PIWIL2: variants seen among roughly 807,000 people sequenced by gnomAD.
The protein encoded by PIWIL2 is piwi like RNA-mediated gene silencing 2, also known as piwi-like protein 2.
PIWIL2 carries 81 observed loss-of-function variants against 116.5 expected under a neutral mutation model. The observed-to-expected ratio is 0.70, with a 90% CI of 0.58 to 0.84. PIWIL2 has a LOEUF of 0.84. PIWIL2 is among the 40% of genes least tolerant of loss of function. The pLI, the probability that PIWIL2 is intolerant of heterozygous loss-of-function variation, is 0.00. For synonymous variants in PIWIL2, 489 were observed against 429.5 expected, an observed-to-expected ratio of 1.14 and a Z score of -1.71; for missense variants, 1,272 against 1,212.3, an observed-to-expected ratio of 1.05 and a Z score of -0.73.
At position 22,339,273 on chromosome 8, in the gene PIWIL2, C is replaced by T. The variant is rs28875635; in HGVS notation, c.2404-13686C>T. On this transcript the variant is annotated intron_variant, in intron 20 of 22. Transcript: ENST00000356766. Reference sequence around the variant, plus strand: ...CTGTAATCCCAGCACTTTGGGAGGCCGAGGTGGGCAGATCACGAGATCAGG... The same window carrying T: ...CTGTAATCCCAGCACTTTGGGAGGCTGAGGTGGGCAGATCACGAGATCAGG... Among the ~76,000 whole-genome samples the T allele has an allele frequency of 5.3e-5, 8 of 151,846 alleles. No individual in the cohort carries two copies. The South Asian group carries it at 6.2e-4, about 12-fold the overall frequency.
rs1179382198 is a variant in PIWIL2, at chr8:22,355,498, TC to T, written c.2917del (p.Leu973CysfsTer21). The T allele has an allele frequency of 3.1e-6, 5 of 1,613,962 alleles. No homozygotes were observed. ...ATCCAGCTGTGCGAGAACCTGTTCTTCCTGTGACTGCACAGCTTGGAGATGG... is the reference window on the plus strand; with the variant it reads ...ATCCAGCTGTGCGAGAACCTGTTCTTCTGTGACTGCACAGCTTGGAGATGG... ...PAIQLCENLF[F>X]L On this transcript the variant is annotated frameshift_variant, in exon 23 of 23. Transcript: ENST00000356766. LOFTEE classifies it high-confidence loss of function.
At chr8:22,349,430 T>A (rs191208387) in intron 20 of PIWIL2, among the ~76,000 whole-genome samples, 7,178 of 146,996 alleles carry the variant, frequency 0.049, 300 homozygotes, top group Admixed American at 0.085. Flanking sequence ...TATATATATA[T>A]ATATATATAT....
intron 20 of PIWIL2, among the ~76,000 whole-genome samples, chr8:22,335,950 TAAC>T (rs1228336738): frequency 6.6e-6 from 1 of 152,050 alleles, no homozygotes; most frequent in African/African-American, 2.4e-5. Context: ...GAGAAAGACA[TAAC>T]AATTACAATA....
Position 22,340,390 on chromosome 8 carries a change from G to A in PIWIL2, c.2404-12569G>A, listed in dbSNP as rs552449762. On this transcript the variant is annotated intron_variant, in intron 20 of 22. Coordinates refer to ENST00000356766, the MANE Select transcript of PIWIL2 (RefSeq NM_018068.5). The stretch of plus-strand genomic sequence containing the variant: ...GAATTCTGCATTGAGACCATACTAC[G>A]TTAAATAAAGCTTCTCCAGATTTAT... Among the ~76,000 whole-genome samples the A allele has an allele frequency of 7.2e-5, 11 of 152,218 alleles. No individual in the cohort carries two copies. In the East Asian group the frequency reaches 1.4e-3, roughly 19 times the overall value.
chr8:22,320,505 A>G (rs796510419), intron 20 of PIWIL2, among the ~76,000 whole-genome samples: 7 of 150,970 alleles, frequency 4.6e-5, no homozygotes, highest in African/African-American at 1.5e-4. Flanking sequence ...TCGAACTCTT[A>G]ATCTCAAGTG....
intron 10 of PIWIL2, among the ~76,000 whole-genome samples, chr8:22,296,633 A>G (rs765998108): frequency 2.0e-5 from 3 of 152,224 alleles, no homozygotes; most frequent in Non-Finnish European, 2.9e-5. Flanking sequence ...TTTTAGATTT[A>G]CTGTTGAAAG....
At position 22,277,704 on chromosome 8, in the gene PIWIL2, A is replaced by G. The variant is rs184104296; in HGVS notation, c.-46-1637A>G. Among the ~76,000 whole-genome samples the G allele has an allele frequency of 1.8e-4, 27 of 152,264 alleles. No homozygotes were observed. The East Asian group carries it at 3.3e-3, about 19-fold the overall frequency. On this transcript the variant is annotated intron_variant, in intron 1 of 22. Coordinates refer to ENST00000356766, the MANE Select transcript of PIWIL2 (RefSeq NM_018068.5). ...TGAAGGAAGAATTTTGTAAAAAAGA[A>G]TTGGATAGAGATTCGGAGAAGCAGC...
In PIWIL2 at chr8:22,285,091, A is replaced by G. The variant is rs554076984; in HGVS notation, c.743+819A>G. Among the ~76,000 whole-genome samples, 51 of 152,294 alleles carry G rather than the reference A, an allele frequency of 3.3e-4. 1 individual carries two copies. Among genetic ancestry groups the G allele is most frequent in the African/African-American group, 1.2e-3 (51 of 41,556 alleles). ...CCTACTTACTGTTTTTTTGTGGTGA[A>G]AACATTTAAAATCTCTTTCAGGAAT... On this transcript the variant is annotated intron_variant, in intron 6 of 22. Transcript: ENST00000356766.
At chr8:22,312,692 G>A (rs1831362890) in intron 16 of PIWIL2, among the ~76,000 whole-genome samples, 1 of 152,126 alleles carries the variant, frequency 6.6e-6, no homozygotes, top group Admixed American at 6.5e-5. Flanking sequence ...TCAGGCTAAA[G>A]TACAGTGGCA....
At chr8:22,349,415 G>GTATATATATATATATATATATATA (rs540224852) in intron 20 of PIWIL2, among the ~76,000 whole-genome samples, 1 of 134,944 alleles carries the variant, frequency 7.4e-6, no homozygotes. Flanking sequence ...ATATATGTGT[G>GTATATATATATATATATATATATA]TGTGTATATA....
At chr8:22,330,564 G>A (rs1831834677) in intron 20 of PIWIL2, among the ~76,000 whole-genome samples, 1 of 151,754 alleles carries the variant, frequency 6.6e-6, no homozygotes, top group Non-Finnish European at 1.5e-5. Flanking sequence ...GGGCGTAGTG[G>A]CGGGCACCTG....
intron 20 of PIWIL2, among the ~76,000 whole-genome samples, chr8:22,325,368 G>C (rs1231178093): frequency 6.6e-6 from 1 of 151,890 alleles, no homozygotes; most frequent in Admixed American, 6.6e-5. Flanking sequence ...AGATGTTTCA[G>C]ATGCCCATTC....
At chr8:22,354,666 G>C (rs368548291) in intron 22 of PIWIL2, among the ~76,000 whole-genome samples, 1 of 152,202 alleles carries the variant, frequency 6.6e-6, no homozygotes, top group African/African-American at 2.4e-5. Flanking sequence ...AGCCAGACTT[G>C]AGACCCAGTG....
chr8:22,289,297 C>T (rs1830702967), intron 8 of PIWIL2, among the ~76,000 whole-genome samples: 1 of 152,072 alleles, frequency 6.6e-6, no homozygotes, highest in Non-Finnish European at 1.5e-5. Context: ...GGATTACAGG[C>T]ATGCGCTGCC....
intron 10 of PIWIL2, among the ~76,000 whole-genome samples, chr8:22,301,434 C>T (rs1716246193): frequency 2.0e-5 from 3 of 152,060 alleles, no homozygotes; most frequent in African/African-American, 7.2e-5. Context: ...GCTGGGACTA[C>T]AGGCATGCGC....
chr8:22,328,326 T>A (rs1041943482), intron 20 of PIWIL2, among the ~76,000 whole-genome samples: 3 of 152,230 alleles, frequency 2.0e-5, no homozygotes, highest in African/African-American at 7.2e-5. Flanking sequence ...CTGTTTTGAT[T>A]ATTGTTGCTT....
chr8:22,314,362 G>T lies in PIWIL2; in HGVS notation c.2024G>T (p.Gly675Val). ...KIQMVVCIIM[G>V]PRDDLYGAIK... ...CAGATGGTTGTTTGCATCATCATGG[G>T]CCCACGTGATGATCTCTATGGGGCC... The change falls in exon 17 of 23, where the codon GGC becomes GTC. Residue 675 changes from glycine (G) to valine (V), a missense_variant. By Grantham distance (109) the Gly-to-Val change is moderately radical. Coordinates refer to ENST00000356766, the MANE Select transcript of PIWIL2 (RefSeq NM_018068.5). 2.5e-6 allele frequency: 4 copies of T among 1,580,294 alleles called. No individual in the cohort carries two copies. Among genetic ancestry groups the T allele is most frequent in the Non-Finnish European group, 3.4e-6 (4 of 1,160,908 alleles).
intron 15 of PIWIL2, 44 bp downstream of exon 15, chr8:22,310,118 A>C: frequency 9.9e-7 from 1 of 1,005,280 alleles, no homozygotes; most frequent in Non-Finnish European, 1.6e-6. Flanking sequence ...AGTATTCCCC[A>C]AAGTGTGGGA....
intron 21 of PIWIL2, 104 bp from the exon 22 acceptor site, chr8:22,354,167 C>A (rs986912526): frequency 2.4e-5 from 18 of 744,952 alleles, no homozygotes; most frequent in Middle Eastern, 5.5e-4. Flanking sequence ...GTCATTTGAG[C>A]TCTCTGAGCT....
Sources: gnomAD v4.1 joint callset for allele counts (sites outside exome capture counted in the v4.1 genomes callset) on GRCh38, gnomAD v4.1.1 for gene constraint, MANE v1.5 for transcripts, NCBI Gene and HGNC (gene_info 2026-07-23, HGNC 2026-07-21) for gene names.